DOCK7: variants seen among roughly 807,000 people sequenced by gnomAD.
DOCK7 encodes dedicator of cytokinesis protein 7.
DOCK7 carries 138 observed loss-of-function variants against 271.0 expected under a neutral mutation model. The ratio of observed to expected loss-of-function variants is 0.51; its 90% CI spans 0.44 to 0.59. The LOEUF is 0.59. DOCK7 is among the 20% of genes least tolerant of loss of function. The pLI, the probability that DOCK7 is intolerant of heterozygous loss-of-function variation, is 0.00. For missense variants in DOCK7, 2,066 were observed against 2,592.4 expected, an observed-to-expected ratio of 0.80 and a Z score of 4.41; for synonymous variants, 823 against 876.1, an observed-to-expected ratio of 0.94 and a Z score of 1.07.
chr1:62,572,219 C>A (rs935944048), intron 18 of DOCK7, among the ~76,000 whole-genome samples: 4 of 152,142 alleles, frequency 2.6e-5, no homozygotes, highest in African/African-American at 9.7e-5. Flanking sequence ...TTACAACAAA[C>A]CCTCTAGGTA....
At chr1:62,488,717 G>T in intron 42 of DOCK7, 2 of 561,020 alleles carry the variant, frequency 3.6e-6, no homozygotes, top group Admixed American at 3.1e-5. Flanking sequence ...AAAAAGCTAT[G>T]CAGAAAGTTT....
intron 12 of DOCK7, among the ~76,000 whole-genome samples, chr1:62,624,113 T>C (rs1264382793): frequency 1.3e-5 from 2 of 152,198 alleles, no homozygotes; most frequent in Non-Finnish European, 2.9e-5. Context: ...TATATGGTTC[T>C]AGTCACCTAG....
chr1:62,496,825 G>A (rs985360888), intron 37 of DOCK7, among the ~76,000 whole-genome samples: 2 of 152,106 alleles, frequency 1.3e-5, no homozygotes, highest in East Asian at 3.8e-4. Flanking sequence ...TAGCTTGACT[G>A]ACATTATAAA....
At chr1:62,522,857 T>C (rs568602448) in intron 31 of DOCK7, among the ~76,000 whole-genome samples, 1 of 152,230 alleles carries the variant, frequency 6.6e-6, no homozygotes, top group South Asian at 2.1e-4. Context: ...TTTTTGATAA[T>C]GAGTATTTTG....
At chr1:62,666,025 G>A (rs535928488) in intron 1 of DOCK7, among the ~76,000 whole-genome samples, 23 of 152,052 alleles carry the variant, frequency 1.5e-4, no homozygotes, top group Non-Finnish European at 2.5e-4. Context: ...TTAGCCAGGC[G>A]TGGTGGTGGG....
At chr1:62,506,180 A>G (rs942406107) in intron 35 of DOCK7, among the ~76,000 whole-genome samples, 3 of 152,190 alleles carry the variant, frequency 2.0e-5, no homozygotes, top group African/African-American at 7.2e-5. Context: ...AGAGCAAAAA[A>G]TGTTGGTGGT....
At chr1:62,482,344 A>AT (rs11349522) in intron 43 of DOCK7, 18 of 125,330 alleles carry the variant, frequency 1.4e-4, no homozygotes, top group African/African-American at 3.1e-4. Context: ...GACTCTAAGC[A>AT]TTTTTTTTTT....
Position 62,499,721 on chromosome 1 carries a change from A to T in DOCK7, c.4765-3224T>A, listed in dbSNP as rs370908098. 2.0e-5 allele frequency among the ~76,000 whole-genome samples: 3 copies of T among 152,194 alleles called. No individual in the cohort carries two copies. The East Asian group carries it at 5.8e-4, about 29-fold the overall frequency. ...AGATCCTGTTTCTACAAGAAAAAAA[A>T]AAATTAGCCAGGCATGACATGGTGG... On this transcript the variant is annotated intron_variant, in intron 37 of 49. Transcript: ENST00000635253.
At chr1:62,630,488 C>T (rs1470865789) in intron 11 of DOCK7, among the ~76,000 whole-genome samples, 5 of 151,968 alleles carry the variant, frequency 3.3e-5, no homozygotes, top group Non-Finnish European at 7.4e-5. Context: ...CTGGACAGGA[C>T]GCTATTCCAT....
chr1:62,461,529 T>C (rs566700615), intron 48 of DOCK7, among the ~76,000 whole-genome samples: 2 of 150,954 alleles, frequency 1.3e-5, no homozygotes, highest in Admixed American at 6.6e-5. Context: ...AAATTAGGTA[T>C]AGTGGTGAAC....
Position 62,559,186 on chromosome 1 carries a change from T to A in DOCK7, c.2234A>T (p.Asn745Ile). Reference protein sequence around the residue: ...PYLDKFFALVNALDEHLFPVR... With the variant: ...PYLDKFFALVIALDEHLFPVR... ...TGGGAACAGGTGTTCATCCAGAGCATTGACCAGAGCAAAAAATTTGTCAAG... is the reference window on the plus strand; with the variant it reads ...TGGGAACAGGTGTTCATCCAGAGCAATGACCAGAGCAAAAAATTTGTCAAG... The change falls in exon 20 of 50, where the codon AAT becomes ATT. Residue 745 changes from asparagine to isoleucine, a missense_variant. Coordinates refer to ENST00000635253, the MANE Select transcript of DOCK7 (RefSeq NM_001367561.1). 6.2e-7 allele frequency: 1 copy of A among 1,613,518 alleles called. No individual in the cohort carries two copies.
intron 18 of DOCK7, among the ~76,000 whole-genome samples, chr1:62,569,188 A>G (rs1040459717): frequency 6.6e-6 from 1 of 152,104 alleles, no homozygotes; most frequent in Non-Finnish European, 1.5e-5. Context: ...CATTTCCTCT[A>G]AAACTATTCC....
intron 9 of DOCK7, chr1:62,634,566 A>T (rs1655023669): frequency 2.3e-6 from 1 of 428,096 alleles, no homozygotes; most frequent in South Asian, 5.5e-5. Context: ...TATAATTCCT[A>T]TTAGTTCTGT....
intron 14 of DOCK7, chr1:62,603,841 A>C: frequency 1.2e-6 from 1 of 849,938 alleles, no homozygotes; most frequent in Non-Finnish European, 1.9e-6. Flanking sequence ...TTTAAGATAC[A>C]CTAAAATGAT....
intron 1 of DOCK7, among the ~76,000 whole-genome samples, chr1:62,681,019 G>C (rs1661060746): frequency 2.0e-5 from 3 of 152,170 alleles, no homozygotes; most frequent in African/African-American, 7.2e-5. Context: ...ATTTGACCCA[G>C]CCATCCCATT....
chr1:62,583,018 C>G (rs1647184338), intron 16 of DOCK7, among the ~76,000 whole-genome samples, 166 bp downstream of exon 16: 1 of 152,164 alleles, frequency 6.6e-6, no homozygotes, highest in Admixed American at 6.5e-5. Flanking sequence ...TTTGGGATGT[C>G]AATAGAGAAT....
At chr1:62,574,168 A>G (rs1046076257) in intron 18 of DOCK7, among the ~76,000 whole-genome samples, 3 of 152,182 alleles carry the variant, frequency 2.0e-5, no homozygotes, top group Non-Finnish European at 2.9e-5. Context: ...GGGAGTCACA[A>G]GGATCTTTAA....
At chr1:62,521,815 A>C (rs1644860890) in intron 31 of DOCK7, among the ~76,000 whole-genome samples, 2 of 152,044 alleles carry the variant, frequency 1.3e-5, no homozygotes, top group South Asian at 4.1e-4. Flanking sequence ...GTCTCTACTA[A>C]AAATACAAAC....
chr1:62,455,536 T>C lies in DOCK7; in HGVS notation c.6381-80A>G. ...CCTTTAAATGTCTTACATGGTTTTT[T>C]CTGCCAGTTACCTTAAAGTTTTGCC... On this transcript the variant is annotated intron_variant, in intron 49 of 49. Coordinates refer to ENST00000635253, the MANE Select transcript of DOCK7 (RefSeq NM_001367561.1). 2.9e-6 allele frequency: 4 copies of C among 1,362,440 alleles called. 1 individual carries two copies. The Middle Eastern group carries it at 5.9e-4, about 201-fold the overall frequency. 84.4% of individuals were successfully genotyped at this position (1,362,440 alleles called of 1,614,324 possible). A position where few individuals can be genotyped will look rare whatever the true frequency, so the allele number is the denominator to read the frequency against.
Sources: allele counts gnomAD v4.1 joint callset (sites outside exome capture counted in the v4.1 genomes callset), GRCh38; gene constraint gnomAD v4.1.1; transcripts MANE v1.5; gene names NCBI Gene and HGNC (gene_info 2026-07-23, HGNC 2026-07-21).